The following KIF1A variants were observed in gnomAD, a reference collection of about 807,000 sequenced individuals.
The protein encoded by KIF1A is kinesin-like protein KIF1A.
In KIF1A, 46 loss-of-function variants were observed where a neutral mutation model predicts 227.3. The ratio of observed to expected loss-of-function variants is 0.20; its 90% CI spans 0.16 to 0.26. The LOEUF (loss-of-function observed/expected upper bound fraction) is 0.26. KIF1A is among the 10% of genes least tolerant of loss of function. The pLI, the probability that KIF1A is intolerant of heterozygous loss-of-function variation, is 1.00. For missense variants in KIF1A, 1,683 were observed against 2,485.9 expected, an observed-to-expected ratio of 0.68 and a Z score of 6.87; for synonymous variants, 1,022 against 1,012.8, an observed-to-expected ratio of 1.01 and a Z score of -0.17.
Position 240,745,275 on chromosome 2 carries a change from C to T in KIF1A, c.3465+152G>A, listed in dbSNP as rs7576602. On this transcript the variant is annotated intron_variant, in intron 32 of 48. Coordinates refer to ENST00000498729, the MANE Select transcript of KIF1A (RefSeq NM_001244008.2). ...AGGGTCTCCCACTGCCCAGAAATCG[C>T]TCCTACACCCTGCCTGGCACTGGAG... Among the ~76,000 whole-genome samples, 24,194 of 152,144 alleles carry T rather than the reference C, an allele frequency of 0.16. 2,245 individuals are homozygous for T. Among genetic ancestry groups the T allele is most frequent in the Middle Eastern group, 0.24 (70 of 294 alleles).
chr2:240,719,958 A>C lies in KIF1A; in HGVS notation c.4869-32T>G, dbSNP rs556405858. 41 of 1,562,666 alleles carry C rather than the reference A, an allele frequency of 2.6e-5. No homozygotes were observed. The African/African-American group carries it at 5.5e-4, about 21-fold the overall frequency. On this transcript the variant is annotated intron_variant, in intron 45 of 48. Coordinates refer to ENST00000498729, the MANE Select transcript of KIF1A (RefSeq NM_001244008.2). Reference sequence around the variant, plus strand: ...AGCAGAGGGAAGTGCTGCCCACTGCAGGCCTCCCTGGGCCTGGGGCCGTCT... The same window carrying C: ...AGCAGAGGGAAGTGCTGCCCACTGCCGGCCTCCCTGGGCCTGGGGCCGTCT...
chr2:240,765,647 G>A, intron 20 of KIF1A, 63 bp downstream of exon 20: 1 of 1,332,508 alleles, frequency 7.5e-7, no homozygotes, highest in East Asian at 2.4e-5. Flanking sequence ...CTTGGACATG[G>A]GAACAGAGGC....
chr2:240,752,466 C>A lies in KIF1A; in HGVS notation c.2859-1919G>T, dbSNP rs1049405697. ...AATGCCTTCCCTCCCCAGGGCACCCCGGGCTCCTGGACAAGGGTCTCTGCT... is the reference window on the plus strand; with the variant it reads ...AATGCCTTCCCTCCCCAGGGCACCCAGGGCTCCTGGACAAGGGTCTCTGCT... On this transcript the variant is annotated intron_variant, in intron 27 of 48. Coordinates refer to ENST00000498729, the MANE Select transcript of KIF1A (RefSeq NM_001244008.2). This position sits in a 1 kb window ranked among gnomAD's most constrained non-coding sequence, Gnocchi z 6.4. Among the ~76,000 whole-genome samples the A allele has an allele frequency of 6.6e-6, 1 of 152,058 alleles. No homozygotes were observed. Among genetic ancestry groups the A allele is most frequent in the Non-Finnish European group, 1.5e-5 (1 of 67,988 alleles).
At chr2:240,717,798 G>A (rs982943537) in intron 48 of KIF1A, among the ~76,000 whole-genome samples, 2 of 152,236 alleles carry the variant, frequency 1.3e-5, no homozygotes, top group Admixed American at 1.3e-4. Context: ...GCCCACATAA[G>A]TGAGGGCAGG....
intron 2 of KIF1A, among the ~76,000 whole-genome samples, chr2:240,796,999 C>T (rs975290803): frequency 2.6e-5 from 4 of 152,204 alleles, no homozygotes; most frequent in Non-Finnish European, 4.4e-5. Context: ...ATCCTGAAGA[C>T]CAGGTGGCTG....
Position 240,745,412 on chromosome 2 carries a change from T to C in KIF1A, c.3465+15A>G, listed in dbSNP as rs1410482168. 3.8e-6 allele frequency: 6 copies of C among 1,595,054 alleles called. No individual in the cohort carries two copies. Among genetic ancestry groups the C allele is most frequent in the East Asian group, 2.2e-5 (1 of 44,746 alleles). ...AGTCAGTGGCAGGGATGGGGAGAAG[T>C]GCCCAGGAACGTACGTTCTGGACGT... On this transcript the variant is annotated intron_variant, in intron 32 of 48. Transcript: ENST00000498729.
chr2:240,727,785 C>T (rs1323888040), intron 38 of KIF1A, among the ~76,000 whole-genome samples: 1 of 152,340 alleles, frequency 6.6e-6, no homozygotes, highest in Middle Eastern at 3.4e-3. Flanking sequence ...TCCGCAAACA[C>T]CTTGGGTGCC....
chr2:240,770,381 G>A (rs369777385), intron 15 of KIF1A, among the ~76,000 whole-genome samples: 1 of 152,176 alleles, frequency 6.6e-6, no homozygotes, highest in African/African-American at 2.4e-5. Context: ...TGTGAACACA[G>A]GATGGCCTGG....
chr2:240,757,344 G>A lies in KIF1A; in HGVS notation c.2833C>T (p.Pro945Ser). ...CTTCCTACTAAACTGAACAGGGGGGGCCGGTCGTAAAACGGGTCCCGGCCG... is the reference window on the plus strand; with the variant it reads ...CTTCCTACTAAACTGAACAGGGGGGACCGGTCGTAAAACGGGTCCCGGCCG... ...CDGRDPFYDR[P>S]PLFSLVGRAF... Residue 945 changes from proline to serine, a missense_variant, in exon 27 of 49, where the codon CCC becomes TCC. Physicochemically the swap from Pro to Ser is moderately conservative, Grantham distance 74. Around this residue, in one of 12 missense-constraint regions of KIF1A, gnomAD observed 759 missense variants for 1,020.2 expected, o/e 0.74. Coordinates refer to ENST00000498729, the MANE Select transcript of KIF1A (RefSeq NM_001244008.2). The surrounding 1 kb of genome is among the most constrained non-coding windows in gnomAD (Gnocchi z 6.2). 1 of 1,550,686 alleles carries A rather than the reference G, an allele frequency of 6.4e-7. No homozygotes were observed. The highest frequency in any genetic ancestry group is 8.7e-7 in the Non-Finnish European group (1 of 1,147,044).
chr2:240,737,226 G>A (rs1332962780), intron 37 of KIF1A, 58 bp from the exon 38 acceptor site: 7 of 1,397,376 alleles, frequency 5.0e-6, no homozygotes, highest in East Asian at 2.3e-5. Flanking sequence ...GGACCCTGGG[G>A]GGCTGCCTCA....
At chr2:240,812,429 G>A (rs74000008) in intron 1 of KIF1A, among the ~76,000 whole-genome samples, 1,993 of 152,342 alleles carry the variant, frequency 0.013, 31 homozygotes, top group African/African-American at 0.044. Flanking sequence ...CATCCGCCTG[G>A]AGCCCAGACG....
At chr2:240,765,686 G>A in intron 20 of KIF1A, 24 bp downstream of exon 20, 1 of 1,589,326 alleles carries the variant, frequency 6.3e-7, no homozygotes, top group South Asian at 1.1e-5. Context: ...CTACCTGACT[G>A]GCCCCCGGAG....
rs1417769968 is a variant in KIF1A at position 240,772,591 on chromosome 2, T to C, written c.1186A>G (p.Thr396Ala). Residue 396 changes from threonine to alanine, a missense_variant, in exon 14 of 49, where the codon ACT (threonine) becomes GCT (alanine). Thr to Ala is a moderately conservative substitution (Grantham distance 58, BLOSUM62 0). Coordinates refer to ENST00000498729, the MANE Select transcript of KIF1A (RefSeq NM_001244008.2). ...QGLGDITDTNTVPGGPKLTNA... is the reference protein window; with the variant it reads ...QGLGDITDTNAVPGGPKLTNA... Reference sequence around the variant, plus strand: ...ACACATTTGGGTCCTCCAGGCACAGTGTTGGCTATGGGGGAGGGAAGCGTG... The same window carrying C: ...ACACATTTGGGTCCTCCAGGCACAGCGTTGGCTATGGGGGAGGGAAGCGTG... 2 of 1,546,358 alleles carry C rather than the reference T, an allele frequency of 1.3e-6. No individual in the cohort carries two copies. The highest frequency in any genetic ancestry group is 2.5e-5 in the East Asian group (1 of 40,806).
chr2:240,770,578 C>G (rs79939658), intron 15 of KIF1A, among the ~76,000 whole-genome samples: 1 of 152,176 alleles, frequency 6.6e-6, no homozygotes, highest in South Asian at 2.1e-4. Context: ...GAACAAGCAC[C>G]CACTCACACA....
intron 6 of KIF1A, among the ~76,000 whole-genome samples, chr2:240,785,836 C>T (rs562618652): frequency 7.9e-5 from 12 of 152,222 alleles, no homozygotes; most frequent in Non-Finnish European, 1.3e-4. Context: ...TCACCTCACC[C>T]TCAGGAAGTC....
intron 27 of KIF1A, among the ~76,000 whole-genome samples, chr2:240,756,594 C>T (rs1349371598): frequency 6.6e-6 from 1 of 152,260 alleles, no homozygotes; most frequent in East Asian, 1.9e-4. Flanking sequence ...GCCGCCATCT[C>T]TGGCCATGAC....
rs1021103997 is a variant in KIF1A at position 240,782,202 on chromosome 2, G to A, written c.882+388C>T. On this transcript the variant is annotated intron_variant, in intron 10 of 48. Coordinates refer to ENST00000498729, the MANE Select transcript of KIF1A (RefSeq NM_001244008.2). Reference sequence around the variant, plus strand: ...CCCCCTGTGGCCCCGTCACGCCTACGGCTGCTCAGAGTCCAGCACGCCTGT... The same window carrying A: ...CCCCCTGTGGCCCCGTCACGCCTACAGCTGCTCAGAGTCCAGCACGCCTGT... The A allele has an allele frequency of 2.0e-5, 20 of 985,090 alleles. No individual in the cohort carries two copies. In the Middle Eastern group the frequency reaches 2.6e-3, roughly 127 times the overall value. 61.0% of individuals were successfully genotyped at this position (985,090 alleles called of 1,614,324 possible). A position where few individuals can be genotyped will look rare whatever the true frequency, so the allele number is the denominator to read the frequency against.
intron 10 of KIF1A, among the ~76,000 whole-genome samples, chr2:240,776,224 G>A (rs1003328061): frequency 3.9e-5 from 6 of 152,198 alleles, no homozygotes; most frequent in Non-Finnish European, 8.8e-5. Context: ...GGCCAGGAGT[G>A]CTGATGTCAC....
rs55815321 is a variant in KIF1A at position 240,766,749 on chromosome 2, T to TCACA, written c.1684+162_1684+165dup. Among the ~76,000 whole-genome samples, 6,217 of 108,872 alleles carry TCACA rather than the reference T, an allele frequency of 0.057. 259 individuals are homozygous for TCACA. The highest frequency in any genetic ancestry group is 0.072 in the Non-Finnish European group (4,099 of 56,672). The allele number at this position is 108,872 out of a possible 152,430, so 71.4% of individuals were successfully genotyped here. ...CTCTCTCTCTCTCTCTCTCTCTCTC[T>TCACA]CACACACACACACACACACACACAC... On this transcript the variant is annotated intron_variant, in intron 19 of 48. Transcript: ENST00000498729. This position sits in a 1 kb window ranked among gnomAD's most constrained non-coding sequence, Gnocchi z 5.0.
Sources: allele counts gnomAD v4.1 joint callset (sites outside exome capture counted in the v4.1 genomes callset), GRCh38; gene constraint gnomAD v4.1.1; regional missense constraint gnomAD v4.1.1; non-coding constraint Gnocchi (gnomAD v3.1); transcripts MANE v1.5; gene names NCBI Gene and HGNC (gene_info 2026-07-23, HGNC 2026-07-21).